The following GSE1 variants were observed in gnomAD, a reference collection of about 807,000 sequenced individuals.
GSE1 encodes the protein genetic suppressor element 1.
Under a neutral mutation model 112.6 loss-of-function variants are expected in GSE1, and 32 were observed. That is an observed-to-expected ratio of 0.28 (90% CI 0.21 to 0.38). The LOEUF (loss-of-function observed/expected upper bound fraction) is 0.38. Ranked by LOEUF, GSE1 falls within the 10% of genes least tolerant of loss-of-function variation. The probability of loss-of-function intolerance (pLI) is 1.00; values close to 1 mark genes in which losing one functional copy is unlikely to be tolerated. For synonymous variants in GSE1, 1,115 were observed against 735.6 expected (o/e 1.52, Z -8.35); for missense variants, 2,348 against 1,699.2 (o/e 1.38, Z -6.71).
At chr16:85,665,278 C>T in intron 12 of GSE1, 150 bp downstream of exon 12, 1 of 609,436 alleles carries the variant, frequency 1.6e-6, no homozygotes, top group Non-Finnish European at 2.9e-6. Flanking sequence ...ACGATTCTTG[C>T]ACAGTTGTGA....
At chr16:85,606,608 T>C (rs1397421134), upstream of GSE1, among the ~76,000 whole-genome samples, 4 of 152,312 alleles carry the variant, frequency 2.6e-5, no homozygotes, top group East Asian at 3.9e-4. Flanking sequence ...AGGGACAGGT[T>C]GTGGACAGCA....
At chr16:85,641,538 C>T (rs536713867) in intron 2 of GSE1, among the ~76,000 whole-genome samples, 14 of 152,336 alleles carry the variant, frequency 9.2e-5, no homozygotes, top group Middle Eastern at 3.4e-3. Context: ...ACTTGGTCTC[C>T]TGCTTCTCCC....
At chr16:85,445,421 TGGCGGCCACGCACAGCGAGGGGG>T (rs1407610100) in intron 2 of GSE1, among the ~76,000 whole-genome samples, 1 of 152,188 alleles carries the variant, frequency 6.6e-6, no homozygotes, top group Non-Finnish European at 1.5e-5. Flanking sequence ...GAGTGCTCGC[TGGCGGCCACGCACAGCGAGGGGG>T]GGCGGCCAGT....
chr16:85,613,582 G>A (rs947474115), intron 1 of GSE1, among the ~76,000 whole-genome samples, 184 bp downstream of exon 1: 3 of 151,580 alleles, frequency 2.0e-5, no homozygotes, highest in Non-Finnish European at 2.9e-5. Context: ...CCCTTCCTCC[G>A]CCCGCGGGTC....
At chr16:85,533,967 C>T (rs188907603) in intron 2 of GSE1, among the ~76,000 whole-genome samples, 4 of 152,250 alleles carry the variant, frequency 2.6e-5, no homozygotes, top group Admixed American at 1.3e-4. Flanking sequence ...CATATGCGTA[C>T]GTCTGTGTAA....
upstream of GSE1, among the ~76,000 whole-genome samples, chr16:85,607,983 G>A (rs555011624): frequency 9.2e-5 from 14 of 152,308 alleles, no homozygotes; most frequent in Non-Finnish European, 1.5e-4. Context: ...GGGGCCTGGG[G>A]ATCTGTATTC....
intron 1 of GSE1, among the ~76,000 whole-genome samples, chr16:85,296,288 G>C (rs555537365): frequency 2.6e-5 from 4 of 152,278 alleles, no homozygotes; most frequent in East Asian, 3.9e-4. Context: ...CAGGCACAAA[G>C]CGGGGTCAGG....
chr16:85,182,781 GT>G (rs1365926759), intron 1 of GSE1, among the ~76,000 whole-genome samples: 10 of 152,106 alleles, frequency 6.6e-5, no homozygotes, highest in African/African-American at 2.4e-4. Flanking sequence ...ACAGTGGATT[GT>G]TGACGGCTGC....
chr16:85,293,180 A>G (rs2045271686), intron 1 of GSE1, among the ~76,000 whole-genome samples: 1 of 151,708 alleles, frequency 6.6e-6, no homozygotes, highest in East Asian at 1.9e-4. Flanking sequence ...TTTTTCTGTT[A>G]GTGATTGGAT....
intron 1 of GSE1, among the ~76,000 whole-genome samples, chr16:85,570,746 G>GCAC (rs1358111853): frequency 6.6e-6 from 1 of 152,208 alleles, no homozygotes; most frequent in African/African-American, 2.4e-5. Flanking sequence ...CAGTTCCTGA[G>GCAC]CACCTGTTGG....
In GSE1 at chr16:85,580,879, C is replaced by CCA. The variant is rs776445763; in HGVS notation, c.37+24517_37+24518dup. On this transcript the variant is annotated intron_variant, in intron 1 of 2. Transcript: ENST00000635906. ...GAGCCCTCCACGGAAATCAACCCTG[C>CCA]CAGCACCTTGATCTTGGCCTTCCAG... Among the ~76,000 whole-genome samples the CCA allele has an allele frequency of 4.1e-4, 62 of 152,354 alleles. 1 individual carries two copies. Among genetic ancestry groups the CCA allele is most frequent in the Non-Finnish European group, 7.6e-4 (52 of 68,028 alleles).
chr16:85,390,611 C>G (rs2047815953), intron 2 of GSE1, among the ~76,000 whole-genome samples: 1 of 152,098 alleles, frequency 6.6e-6, no homozygotes, highest in South Asian at 2.1e-4. Flanking sequence ...GCTCACTCAC[C>G]TTGGATTTAC....
intron 1 of GSE1, among the ~76,000 whole-genome samples, chr16:85,276,294 A>G (rs1012837122): frequency 2.6e-5 from 4 of 152,158 alleles, no homozygotes; most frequent in South Asian, 2.1e-4. Context: ...GCTTGTTACA[A>G]CGGGTACTGC....
At chr16:85,607,407 G>A (rs904474702), upstream of GSE1, among the ~76,000 whole-genome samples, 3 of 152,338 alleles carry the variant, frequency 2.0e-5, no homozygotes, top group Non-Finnish European at 4.4e-5. Context: ...ATTCACCAGG[G>A]CTCGGCGGCG....
intron 1 of GSE1, among the ~76,000 whole-genome samples, chr16:85,587,549 C>A (rs1196885304): frequency 6.6e-6 from 1 of 152,060 alleles, no homozygotes; most frequent in Non-Finnish European, 1.5e-5. Context: ...CACCTTCGGC[C>A]TAGGTACATC....
At chr16:85,667,404 G>A (rs1198208066) in intron 13 of GSE1, among the ~76,000 whole-genome samples, 1 of 152,266 alleles carries the variant, frequency 6.6e-6, no homozygotes, top group Non-Finnish European at 1.5e-5. Context: ...TCACCCACCA[G>A]GCCACGCCAT....
chr16:85,265,081 C>T (rs1052098181), intron 1 of GSE1, among the ~76,000 whole-genome samples: 1 of 152,220 alleles, frequency 6.6e-6, no homozygotes, highest in Non-Finnish European at 1.5e-5. Flanking sequence ...TAAACGCGCA[C>T]TCTTATCACT....
At chr16:85,529,597 C>G (rs758787211) in intron 2 of GSE1, among the ~76,000 whole-genome samples, 1 of 152,168 alleles carries the variant, frequency 6.6e-6, no homozygotes, top group Non-Finnish European at 1.5e-5. Flanking sequence ...CTCTAGCCCC[C>G]CACCCCCACT....
intron 1 of GSE1, among the ~76,000 whole-genome samples, chr16:85,569,062 C>T (rs1016828917): frequency 4.6e-5 from 7 of 152,192 alleles, no homozygotes; most frequent in Admixed American, 1.3e-4. Flanking sequence ...GGAGCCTCCT[C>T]CCAAATTCAA....
Sources: gnomAD v4.1 joint callset for allele counts (sites outside exome capture counted in the v4.1 genomes callset) on GRCh38, gnomAD v4.1.1 for gene constraint, MANE v1.5 for transcripts, NCBI Gene and HGNC (gene_info 2026-07-23, HGNC 2026-07-21) for gene names.